SUN3: variants seen among roughly 807,000 people sequenced by gnomAD.
The protein encoded by SUN3 is SUN domain-containing protein 3.
SUN3 carries 36 observed loss-of-function variants against 48.2 expected under a neutral mutation model. The ratio of observed to expected loss-of-function variants is 0.75; its 90% CI spans 0.57 to 0.99. SUN3 has a LOEUF of 0.99. Ranked by LOEUF, SUN3 falls within the 50% of genes least tolerant of loss-of-function variation. The probability of loss-of-function intolerance (pLI) is 0.00; values close to 1 mark genes in which losing one functional copy is unlikely to be tolerated. For missense variants in SUN3, 419 were observed against 433.1 expected, an observed-to-expected ratio of 0.97 and a Z score of 0.29; for synonymous variants, 148 against 147.9, an observed-to-expected ratio of 1.00 and a Z score of 0.00.
chr7:48,001,534 T>G (rs1789372501), intron 6 of SUN3, among the ~76,000 whole-genome samples: 1 of 108,942 alleles, frequency 9.2e-6, no homozygotes, highest in Non-Finnish European at 1.8e-5. Flanking sequence ...TTTTTTTGTT[T>G]TTTTTTTTTT....
At chr7:48,035,666 C>T in the SUN3 span, 1 of 639,316 alleles carries the variant, frequency 1.6e-6, no homozygotes, top group Admixed American at 2.3e-5. This position sits in a 1 kb window ranked among gnomAD's most constrained non-coding sequence, Gnocchi z 4.0. Flanking sequence ...ATGGGGGCGC[C>T]CACTGTGGTC....
Position 48,027,862 on chromosome 7 carries a change from G to A in SUN3, c.122+955C>T, listed in dbSNP as rs78698278. Reference sequence around the variant, plus strand: ...TGTGGAGAGTGGTAGGGGGTCCACTGTATTAAAAAAGTTGTTCATAGGTCA... The same window carrying A: ...TGTGGAGAGTGGTAGGGGGTCCACTATATTAAAAAAGTTGTTCATAGGTCA... On this transcript the variant is annotated intron_variant, in intron 1 of 9. Coordinates refer to ENST00000297325, the MANE Select transcript of SUN3 (RefSeq NM_001030019.2). Among the ~76,000 whole-genome samples the A allele has an allele frequency of 2.5e-3, 375 of 152,314 alleles. 6 individuals are homozygous for A. The East Asian group carries it at 0.067, about 27-fold the overall frequency.
At chr7:48,007,364 T>C (rs372936317) in intron 4 of SUN3, 37 bp from the exon 5 acceptor site, 2 of 1,596,746 alleles carry the variant, frequency 1.3e-6, no homozygotes, top group Non-Finnish European at 1.7e-6. Flanking sequence ...AGGAAGAAAG[T>C]GTAAAGCTCC....
At chr7:48,003,259 C>T (rs572925188) in intron 6 of SUN3, among the ~76,000 whole-genome samples, 2 of 152,256 alleles carry the variant, frequency 1.3e-5, no homozygotes, top group East Asian at 3.9e-4. Context: ...GTTCTCTATT[C>T]TGTTCCATTG....
At chr7:48,006,517 T>C (rs1789529545) in intron 5 of SUN3, among the ~76,000 whole-genome samples, 1 of 152,194 alleles carries the variant, frequency 6.6e-6, no homozygotes, top group African/African-American at 2.4e-5. Context: ...GTCTAATTAA[T>C]ATTGGATTCT....
chr7:48,018,684 G>T lies in SUN3; in HGVS notation c.185-1319C>A, dbSNP rs368668463. ...AACAAGTGATTGCAGCCCTCAACATGCAACAGCAGGCAAACCCTGGGGAAG... is the reference window on the plus strand; with the variant it reads ...AACAAGTGATTGCAGCCCTCAACATTCAACAGCAGGCAAACCCTGGGGAAG... On this transcript the variant is annotated intron_variant, in intron 2 of 9. Transcript: ENST00000297325. 7.8e-5 allele frequency: 12 copies of T among 152,958 alleles called. No homozygotes were observed. In the East Asian group the frequency reaches 1.9e-3, roughly 25 times the overall value. The allele number at this position is 152,958 out of a possible 1,614,324, so 9.5% of individuals were successfully genotyped here. A position where few individuals can be genotyped will look rare whatever the true frequency, so the allele number is the denominator to read the frequency against.
chr7:47,991,325 C>A (rs1789052871), intron 8 of SUN3, among the ~76,000 whole-genome samples: 1 of 152,134 alleles, frequency 6.6e-6, no homozygotes, highest in Admixed American at 6.5e-5. Flanking sequence ...GGGATTCACC[C>A]ATAATTTGTC....
At chr7:48,009,009 G>T in intron 4 of SUN3, 26 bp downstream of exon 4, 1 of 1,604,250 alleles carries the variant, frequency 6.2e-7, no homozygotes, top group Non-Finnish European at 8.5e-7. Flanking sequence ...ACCAAAAAGA[G>T]GCATATAGCA....
chr7:47,993,153 A>G (rs1214926694), intron 8 of SUN3, among the ~76,000 whole-genome samples: 1 of 152,260 alleles, frequency 6.6e-6, no homozygotes, highest in East Asian at 1.9e-4. Context: ...GTATTTAAGT[A>G]CACTAAATAG....
the SUN3 span, among the ~76,000 whole-genome samples, chr7:48,034,615 T>C: frequency 6.6e-6 from 1 of 152,200 alleles, no homozygotes. Flanking sequence ...GTATAGGGCT[T>C]TCTGGGTATC....
Position 48,000,868 on chromosome 7 carries a change from G to GTT in SUN3, c.578-4724_578-4723dup, listed in dbSNP as rs143433372. On this transcript the variant is annotated intron_variant, in intron 6 of 9. Transcript: ENST00000297325. Reference sequence around the variant, plus strand: ...TGCTTTTTGAGTCTGTAAATTTATGGTTTTTTTTTTTTAAATCGAGTTTGA... The same window carrying GTT: ...TGCTTTTTGAGTCTGTAAATTTATGGTTTTTTTTTTTTTTAAATCGAGTTTGA... 2.4e-3 allele frequency among the ~76,000 whole-genome samples: 344 copies of GTT among 143,828 alleles called. 1 individual carries two copies. The highest frequency in any genetic ancestry group is 7.5e-3 in the African/African-American group (294 of 39,444). The allele number at this position is 143,828 out of a possible 152,430, so 94.4% of individuals were successfully genotyped here. A position where few individuals can be genotyped will look rare whatever the true frequency, so the allele number is the denominator to read the frequency against.
chr7:47,998,903 T>C (rs944169230), intron 6 of SUN3, among the ~76,000 whole-genome samples: 4 of 152,240 alleles, frequency 2.6e-5, no homozygotes, highest in East Asian at 1.9e-4. Context: ...TGTAAACTTA[T>C]AGTAAGCCTT....
At chr7:48,034,277 A>AGAGTT in the SUN3 span, among the ~76,000 whole-genome samples, 1 of 152,218 alleles carries the variant, frequency 6.6e-6, no homozygotes, top group African/African-American at 2.4e-5. Context: ...AGAGCAGGAT[A>AGAGTT]AACCACAGAA....
At chr7:48,035,384 A>T in the SUN3 span, 41 of 616,036 alleles carry the variant, frequency 6.7e-5, no homozygotes, top group South Asian at 7.3e-4. The surrounding 1 kb of genome is among the most constrained non-coding windows in gnomAD (Gnocchi z 4.0). Flanking sequence ...GGCAGTTGAC[A>T]GGCGGCGCCC....
intron 7 of SUN3, among the ~76,000 whole-genome samples, chr7:47,995,445 G>C (rs1229380748): frequency 6.6e-6 from 1 of 152,140 alleles, no homozygotes; most frequent in Non-Finnish European, 1.5e-5. Context: ...CTACAGCCTG[G>C]AATAAGATCA....
At chr7:48,021,016 T>C (rs1240226039) in intron 2 of SUN3, among the ~76,000 whole-genome samples, 1 of 152,136 alleles carries the variant, frequency 6.6e-6, no homozygotes, top group East Asian at 1.9e-4. Context: ...TCACATTACC[T>C]GACTTCAAAT....
intron 6 of SUN3, 151 bp from the exon 7 acceptor site, chr7:47,996,297 G>C: frequency 4.0e-6 from 2 of 505,498 alleles, no homozygotes; most frequent in Non-Finnish European, 3.5e-6. Context: ...GGAAAAGTAT[G>C]ACAGTTTTCA....
chr7:48,014,355 T>G (rs934900881), intron 3 of SUN3, among the ~76,000 whole-genome samples: 10 of 152,216 alleles, frequency 6.6e-5, no homozygotes, highest in Non-Finnish European at 1.5e-4. Context: ...ACTTATTTAT[T>G]TATTCATTAA....
intron 3 of SUN3, among the ~76,000 whole-genome samples, chr7:48,013,018 T>A (rs1456373323): frequency 6.6e-6 from 1 of 152,242 alleles, no homozygotes; most frequent in East Asian, 1.9e-4. Flanking sequence ...CTGTTCTTTA[T>A]AAGCTACCTA....
Sources: gnomAD v4.1 joint callset for allele counts (sites outside exome capture counted in the v4.1 genomes callset) on GRCh38, gnomAD v4.1.1 for gene constraint, Gnocchi (gnomAD v3.1) non-coding constraint, MANE v1.5 for transcripts, NCBI Gene and HGNC (gene_info 2026-07-23, HGNC 2026-07-21) for gene names.